HEMK2: variants seen among roughly 807,000 people sequenced by gnomAD.
The protein encoded by HEMK2 is HemK methyltransferase 2, ETF1 glutamine and histone H4 lysine.
At chr21:28,803,922 G>A in the HEMK2 span, among the ~76,000 whole-genome samples, 1 of 152,222 alleles carries the variant, frequency 6.6e-6, no homozygotes, top group Non-Finnish European at 1.5e-5. Flanking sequence ...AGGGCAACGA[G>A]TTATGCATAC....
chr21:28,857,138 T>C, the HEMK2 span, among the ~76,000 whole-genome samples: 1 of 152,176 alleles, frequency 6.6e-6, no homozygotes, highest in Non-Finnish European at 1.5e-5. Flanking sequence ...TAAATTTGTT[T>C]TGATTGAAGA....
chr21:28,755,964 T>G, the HEMK2 span, among the ~76,000 whole-genome samples: 1 of 152,180 alleles, frequency 6.6e-6, no homozygotes, highest in Non-Finnish European at 1.5e-5. Flanking sequence ...AACATTAAAA[T>G]ATATGTGTGA....
chr21:28,703,198 C>G, the HEMK2 span, among the ~76,000 whole-genome samples: 1 of 152,110 alleles, frequency 6.6e-6, no homozygotes, highest in African/African-American at 2.4e-5. Context: ...ATCAAAAACA[C>G]TACCTATCAG....
At chr21:28,708,858 G>T in the HEMK2 span, among the ~76,000 whole-genome samples, 1 of 152,212 alleles carries the variant, frequency 6.6e-6, no homozygotes, top group Non-Finnish European at 1.5e-5. Context: ...AAAAATGAGA[G>T]ATTAAAAAAA....
chr21:28,877,178 GA>G, the HEMK2 span, among the ~76,000 whole-genome samples: 25 of 136,032 alleles, frequency 1.8e-4, no homozygotes, highest in South Asian at 5.2e-4. Flanking sequence ...AAGAAAGAAA[GA>G]GAGGGAGGGA....
At chr21:28,653,874 T>C in the HEMK2 span, among the ~76,000 whole-genome samples, 1 of 152,192 alleles carries the variant, frequency 6.6e-6, no homozygotes, top group African/African-American at 2.4e-5. Context: ...GAAAAATGTA[T>C]CTGGCTCTAT....
At chr21:28,604,682 AC>A in the HEMK2 span, among the ~76,000 whole-genome samples, 25 of 152,216 alleles carry the variant, frequency 1.6e-4, no homozygotes, top group Non-Finnish European at 2.9e-5. Context: ...TTAACCTGAG[AC>A]CATATGATAA....
the HEMK2 span, among the ~76,000 whole-genome samples, chr21:28,814,958 T>G: frequency 6.6e-6 from 1 of 152,104 alleles, no homozygotes; most frequent in Admixed American, 6.5e-5. Context: ...CTATTCACAA[T>G]AGCAAAGACT....
the HEMK2 span, among the ~76,000 whole-genome samples, chr21:28,767,241 C>G: frequency 6.6e-5 from 10 of 152,024 alleles, no homozygotes; most frequent in East Asian, 1.2e-3. Context: ...TGGAACTGTA[C>G]GTAAGTCCAA....
chr21:28,850,386 G>A, the HEMK2 span, among the ~76,000 whole-genome samples: 7 of 151,934 alleles, frequency 4.6e-5, no homozygotes, highest in East Asian at 7.7e-4. Flanking sequence ...CACCACGCCC[G>A]GCTAATTTTT....
the HEMK2 span, among the ~76,000 whole-genome samples, chr21:28,684,665 G>T: frequency 6.6e-6 from 1 of 152,152 alleles, no homozygotes; most frequent in African/African-American, 2.4e-5. Context: ...GTGTCTTTCA[G>T]AATTATGATC....
chr21:28,665,355 TTTACTTTTTAATTTTC>T, the HEMK2 span, among the ~76,000 whole-genome samples: 1 of 125,872 alleles, frequency 7.9e-6, no homozygotes, highest in African/African-American at 3.4e-5. Context: ...TTTTTTTTTT[TTTACTTTTTAATTTTC>T]TTTTTTTTTT....
At chr21:28,696,246 T>C in the HEMK2 span, among the ~76,000 whole-genome samples, 2 of 152,090 alleles carry the variant, frequency 1.3e-5, no homozygotes, top group Admixed American at 6.6e-5. Flanking sequence ...GAGCTACAAT[T>C]CAAGATGGGA....
At chr21:28,757,362 A>G in the HEMK2 span, among the ~76,000 whole-genome samples, 1 of 152,158 alleles carries the variant, frequency 6.6e-6, no homozygotes, top group African/African-American at 2.4e-5. Context: ...AACAAATTTT[A>G]GTTTGTTTCC....
chr21:28,880,952 AC>A, the HEMK2 span, among the ~76,000 whole-genome samples: 1 of 149,628 alleles, frequency 6.7e-6, no homozygotes, highest in Admixed American at 6.7e-5. Flanking sequence ...AAAAAAAAAA[AC>A]CGGAAAGCTA....
chr21:28,608,563 T>C, the HEMK2 span, among the ~76,000 whole-genome samples: 4 of 152,072 alleles, frequency 2.6e-5, no homozygotes, highest in Admixed American at 2.6e-4. Flanking sequence ...CATAGACCCT[T>C]TGAAGGAGGT....
the HEMK2 span, among the ~76,000 whole-genome samples, chr21:28,828,618 G>A: frequency 6.6e-6 from 1 of 152,150 alleles, no homozygotes; most frequent in East Asian, 1.9e-4. Flanking sequence ...CTTAGCTTAG[G>A]TAGCCCTTCG....
chr21:28,798,972 G>T, the HEMK2 span, among the ~76,000 whole-genome samples: 2 of 152,136 alleles, frequency 1.3e-5, no homozygotes, highest in African/African-American at 2.4e-5. Context: ...TCAACCTACT[G>T]GAATCCTAAT....
chr21:28,731,756 TAATAAA>T, the HEMK2 span, among the ~76,000 whole-genome samples: 1 of 93,940 alleles, frequency 1.1e-5, no homozygotes, highest in Non-Finnish European at 1.8e-5. Flanking sequence ...TAAAGTATAA[TAATAAA>T]AAAAAAAAAA....
Sources: allele counts gnomAD v4.1 joint callset (sites outside exome capture counted in the v4.1 genomes callset), GRCh38; gene constraint gnomAD v4.1.1; transcripts MANE v1.5; gene names NCBI Gene and HGNC (gene_info 2026-07-23, HGNC 2026-07-21).